The following NUDT4 variants were observed in gnomAD, a reference collection of about 807,000 sequenced individuals.
NUDT4 encodes diphosphoinositol polyphosphate phosphohydrolase 2.
A neutral mutation model predicts 23.1 loss-of-function variants in NUDT4; 5 were observed. The ratio of observed to expected loss-of-function variants is 0.22; its 90% CI spans 0.11 to 0.46. NUDT4 has a LOEUF of 0.46. Ranked by LOEUF, NUDT4 falls within the 20% of genes least tolerant of loss-of-function variation. NUDT4 has a pLI of 0.99. For synonymous variants in NUDT4, 50 were observed against 79.0 expected (o/e 0.63, Z 1.95); for missense variants, 96 against 211.6 (o/e 0.45, Z 3.39).
At chr12:93,393,380 G>A (rs1876699943) in intron 1 of NUDT4, among the ~76,000 whole-genome samples, 1 of 152,078 alleles carries the variant, frequency 6.6e-6, no homozygotes, top group African/African-American at 2.4e-5. Flanking sequence ...TGGGATTATA[G>A]ATGTGAGCCA....
chr12:93,386,030 C>T (rs1361001911), intron 1 of NUDT4, among the ~76,000 whole-genome samples: 1 of 147,654 alleles, frequency 6.8e-6, no homozygotes, highest in African/African-American at 2.5e-5. Context: ...GGCTGGAGTG[C>T]AGTGGCACAA....
intron 3 of NUDT4, among the ~76,000 whole-genome samples, chr12:93,396,672 G>C (rs867630417): frequency 6.6e-6 from 1 of 152,154 alleles, no homozygotes; most frequent in Non-Finnish European, 1.5e-5. Flanking sequence ...CCAGAACTTT[G>C]GGTTGGCCAA....
chr12:93,390,690 G>C (rs982020570), intron 1 of NUDT4, among the ~76,000 whole-genome samples: 3 of 151,890 alleles, frequency 2.0e-5, no homozygotes, highest in Admixed American at 2.0e-4. Flanking sequence ...CTGTAACCTC[G>C]ACCTCCTGGG....
At chr12:93,390,518 G>C (rs189403846) in intron 1 of NUDT4, among the ~76,000 whole-genome samples, 1 of 151,950 alleles carries the variant, frequency 6.6e-6, no homozygotes, top group African/African-American at 2.4e-5. Flanking sequence ...TTTGAACTTA[G>C]AGACCCTTGC....
intron 3 of NUDT4, among the ~76,000 whole-genome samples, chr12:93,395,845 C>A (rs192670223): frequency 6.6e-6 from 1 of 152,290 alleles, no homozygotes; most frequent in East Asian, 1.9e-4. Context: ...CTCGTCCTCC[C>A]AAGTAGTTGG....
chr12:93,377,936 T>C lies in NUDT4; in HGVS notation c.-387T>C, dbSNP rs1236730843. The C allele has an allele frequency of 1.6e-5, 5 of 315,506 alleles. No homozygotes were observed. Among genetic ancestry groups the C allele is most frequent in the Non-Finnish European group, 3.1e-5 (5 of 159,468 alleles). The allele number at this position is 315,506 out of a possible 1,614,324, so 19.5% of individuals were successfully genotyped here. A position where few individuals can be genotyped will look rare whatever the true frequency, so the allele number is the denominator to read the frequency against. On this transcript the variant is annotated 5_prime_UTR_variant, in exon 1 of 5. Coordinates refer to ENST00000415493, the MANE Select transcript of NUDT4 (RefSeq NM_019094.6). ...AGGGGGCGGCGCGCGGTCGCCGCGG[T>C]GCTGCTGCTCAGTGGGAGCGGGTCT...
intron 1 of NUDT4, among the ~76,000 whole-genome samples, chr12:93,379,000 C>T (rs1317634619): frequency 6.6e-6 from 1 of 152,146 alleles, no homozygotes; most frequent in Non-Finnish European, 1.5e-5. Context: ...ACGGCCTTCC[C>T]TTCTTAAAGT....
intron 1 of NUDT4, among the ~76,000 whole-genome samples, chr12:93,383,944 C>G (rs573340170): frequency 1.3e-5 from 2 of 152,292 alleles, no homozygotes; most frequent in East Asian, 3.9e-4. Context: ...CTCCCCTTCC[C>G]GGGAACAGAA....
chr12:93,382,030 G>A (rs1351771667), intron 1 of NUDT4, among the ~76,000 whole-genome samples: 1 of 152,178 alleles, frequency 6.6e-6, no homozygotes, highest in Non-Finnish European at 1.5e-5. Context: ...GCGGAGGTGG[G>A]CAGATCACCT....
chr12:93,384,791 CTG>C lies in NUDT4; in HGVS notation c.99+6372_99+6373del, dbSNP rs550478630. Reference sequence around the variant, plus strand: ...TTCTTTTTTTTTTAAGAGTCTCACTCTGTCACCCAGGCTGGAGTGCAGAGGCG... The same window carrying C: ...TTCTTTTTTTTTTAAGAGTCTCACTCTCACCCAGGCTGGAGTGCAGAGGCG... On this transcript the variant is annotated intron_variant, in intron 1 of 4. Coordinates refer to ENST00000415493, the MANE Select transcript of NUDT4 (RefSeq NM_019094.6). 2.2e-3 allele frequency among the ~76,000 whole-genome samples: 336 copies of C among 151,960 alleles called. 1 individual carries two copies. The highest frequency in any genetic ancestry group is 1.7e-3 in the Non-Finnish European group (118 of 67,970).
chr12:93,395,455 G>T (rs1565782293), intron 2 of NUDT4, 34 bp from the exon 3 acceptor site: 2 of 1,490,720 alleles, frequency 1.3e-6, no homozygotes. Context: ...GTTATAAAAA[G>T]GTAAACATTT....
intron 1 of NUDT4, 102 bp downstream of exon 1, chr12:93,378,523 G>GGGATT (rs1287079148): frequency 7.5e-7 from 1 of 1,331,502 alleles, no homozygotes; most frequent in African/African-American, 1.5e-5. Context: ...GGGGCTGGGA[G>GGGATT]GGATTAGCCC....
In NUDT4 at chr12:93,404,362, G is replaced by A. The variant is rs897689465; in HGVS notation, c.*4983G>A. The A allele has an allele frequency of 1.3e-5, 2 of 152,222 alleles. No individual in the cohort carries two copies. The highest frequency in any genetic ancestry group is 4.8e-5 in the African/African-American group (2 of 41,460). 9.4% of individuals were successfully genotyped at this position (152,222 alleles called of 1,614,324 possible). On this transcript the variant is annotated 3_prime_UTR_variant, in exon 5 of 5. Transcript: ENST00000415493. The stretch of plus-strand genomic sequence containing the variant: ...GTGTAATATTACAGTCATTAGAAAT[G>A]ACATTTGCGTAAGGATCTGAGTGGA...
Position 93,399,381 on chromosome 12 carries a change from G to A in NUDT4, c.*2G>A, listed in dbSNP as rs771274514. On this transcript the variant is annotated 3_prime_UTR_variant, in exon 5 of 5. Coordinates refer to ENST00000415493, the MANE Select transcript of NUDT4 (RefSeq NM_019094.6). ...GGGTTGCCATCTAGTGTAAGATAGAGAGAACTGGGTAGGCCTCTCCCACCA... is the reference window on the plus strand; with the variant it reads ...GGGTTGCCATCTAGTGTAAGATAGAAAGAACTGGGTAGGCCTCTCCCACCA... 2 of 704,836 alleles carry A rather than the reference G, an allele frequency of 2.8e-6. No individual in the cohort carries two copies. The highest frequency in any genetic ancestry group is 4.7e-5 in the Admixed American group (2 of 42,378). The allele number at this position is 704,836 out of a possible 1,614,324, so 43.7% of individuals were successfully genotyped here. A position where few individuals can be genotyped will look rare whatever the true frequency, so the allele number is the denominator to read the frequency against.
At chr12:93,386,202 C>T (rs1876084077) in intron 1 of NUDT4, among the ~76,000 whole-genome samples, 1 of 151,870 alleles carries the variant, frequency 6.6e-6, no homozygotes, top group Non-Finnish European at 1.5e-5. Context: ...GTCTTGAGCT[C>T]CTAGACTCAG....
intron 1 of NUDT4, among the ~76,000 whole-genome samples, chr12:93,380,505 T>C (rs1875582484): frequency 6.6e-6 from 1 of 152,194 alleles, no homozygotes; most frequent in Admixed American, 6.5e-5. Flanking sequence ...AAAAATCCAT[T>C]GTATAAAACT....
At chr12:93,383,149 C>CT (rs577079192) in intron 1 of NUDT4, among the ~76,000 whole-genome samples, 480 of 151,768 alleles carry the variant, frequency 3.2e-3, no homozygotes, top group African/African-American at 9.1e-3. Context: ...TACCCCGTCA[C>CT]TTTAAAACAT....
Position 93,402,416 on chromosome 12 carries a change from A to G in NUDT4, c.*3037A>G, listed in dbSNP as rs11558758. ...AGCGGAAACGTATACCTTTCAGTGC[A>G]TAGTGCATTGTGTGCTTACCCTGGG... On this transcript the variant is annotated 3_prime_UTR_variant, in exon 5 of 5. Coordinates refer to ENST00000415493, the MANE Select transcript of NUDT4 (RefSeq NM_019094.6). 19,424 of 152,222 alleles carry G rather than the reference A, an allele frequency of 0.13. 1,578 individuals carry two copies. Among genetic ancestry groups the G allele is most frequent in the East Asian group, 0.45 (2,308 of 5,172 alleles). The allele number at this position is 152,222 out of a possible 1,614,324, so 9.4% of individuals were successfully genotyped here. A position where few individuals can be genotyped will look rare whatever the true frequency, so the allele number is the denominator to read the frequency against.
intron 1 of NUDT4, among the ~76,000 whole-genome samples, chr12:93,380,130 A>G (rs1875553960): frequency 6.6e-6 from 1 of 152,146 alleles, no homozygotes; most frequent in South Asian, 2.1e-4. Context: ...CTTACTCCTG[A>G]TGTTGGGCTC....
Sources: gnomAD v4.1 joint callset for allele counts (sites outside exome capture counted in the v4.1 genomes callset) on GRCh38, gnomAD v4.1.1 for gene constraint, MANE v1.5 for transcripts, NCBI Gene and HGNC (gene_info 2026-07-23, HGNC 2026-07-21) for gene names.